The following FAT1 variants were observed in gnomAD, a reference collection of about 807,000 sequenced individuals.
The protein encoded by FAT1 is protocadherin Fat 1.
Under a neutral mutation model 329.8 loss-of-function variants are expected in FAT1, and 171 were observed. The ratio of observed to expected loss-of-function variants is 0.52; its 90% CI spans 0.46 to 0.59. The LOEUF is 0.59. FAT1 is among the 20% of genes least tolerant of loss of function. FAT1 has a pLI of 0.00. For missense variants in FAT1, 5,672 were observed against 5,774.4 expected, an observed-to-expected ratio of 0.98 and a Z score of 0.57; for synonymous variants, 2,233 against 2,228.6, an observed-to-expected ratio of 1.00 and a Z score of -0.06.
At chr4:186,719,096 A>G (rs2126720942) in intron 1 of FAT1, among the ~76,000 whole-genome samples, 1 of 152,282 alleles carries the variant, frequency 6.6e-6, no homozygotes, top group Middle Eastern at 3.4e-3. Flanking sequence ...ACACTGACTC[A>G]CCTACAACTC....
At chr4:186,602,814 AT>A in intron 20 of FAT1, 88 bp downstream of exon 20, 1 of 1,375,810 alleles carries the variant, frequency 7.3e-7, no homozygotes, top group Non-Finnish European at 9.9e-7. Context: ...ACTTTGCAAT[AT>A]TTTTAGACTC....
At chr4:186,678,329 C>T (rs1340568580) in intron 2 of FAT1, among the ~76,000 whole-genome samples, 3 of 151,446 alleles carry the variant, frequency 2.0e-5, no homozygotes, top group African/African-American at 4.8e-5. Context: ...AATAGCTAGG[C>T]GCAGTGGCTC....
upstream of FAT1, chr4:186,726,639 G>A (rs1249024479): frequency 6.6e-6 from 1 of 152,314 alleles, no homozygotes; most frequent in African/African-American, 2.4e-5. Context: ...GTCAGGACGT[G>A]CCCAGGCAGC....
Position 186,588,906 on chromosome 4 carries a change from T to C in FAT1, c.13453A>G (p.Asn4485Asp). 1 of 1,613,972 alleles carries C rather than the reference T, an allele frequency of 6.2e-7. No individual in the cohort carries two copies. Among genetic ancestry groups the C allele is most frequent in the Non-Finnish European group, 8.5e-7 (1 of 1,179,880 alleles). The change falls in exon 27 of 27, where the codon AAC (asparagine) becomes GAC (aspartate). Residue 4485 changes from asparagine to aspartate, a missense_variant. Physicochemically the swap from Asn to Asp is conservative, Grantham distance 23 (BLOSUM62 1). Coordinates refer to ENST00000441802, the MANE Select transcript of FAT1 (RefSeq NM_005245.4). ...AAATTGGGCAAATACTGATTCAAGT[T>C]GAACCTCTGCCGGTTTCTTGATGAA... ...GSSSRNRQRF[N>D]LNQYLPNFYP...
chr4:186,708,740 C>G lies in FAT1; in HGVS notation c.1088G>C (p.Gly363Ala), dbSNP rs985847217. 4 of 1,613,932 alleles carry G rather than the reference C, an allele frequency of 2.5e-6. No homozygotes were observed. Among genetic ancestry groups the G allele is most frequent in the Non-Finnish European group, 3.4e-6 (4 of 1,179,876 alleles). Residue 363 changes from glycine to alanine, a missense_variant, in exon 2 of 27, where the codon GGG becomes GCG. Physicochemically the swap from Gly to Ala is moderately conservative, Grantham distance 60 (BLOSUM62 0). This residue lies in a region of FAT1 where 3,966 missense variants were observed against 3,915.2 expected (regional missense o/e 1.01). Transcript: ENST00000441802. ...AACATCCTTTTCAAACTTGACTGGC[C>G]CGGCTTTGAACTGTGGAGAAGTCAC... is the stretch of plus-strand genomic sequence containing the variant. ...IHVTSPQFKAGPVKFEKDVYR... is the reference protein window; with the variant it reads ...IHVTSPQFKAAPVKFEKDVYR...
In FAT1 at chr4:186,660,364, T is replaced by C. The variant is rs116540870; in HGVS notation, c.3580+2935A>G. Among the ~76,000 whole-genome samples the C allele has an allele frequency of 1.6e-3, 249 of 152,346 alleles. 3 individuals carry two copies. The highest frequency in any genetic ancestry group is 5.7e-3 in the African/African-American group (235 of 41,584). On this transcript the variant is annotated intron_variant, in intron 3 of 26. Coordinates refer to ENST00000441802, the MANE Select transcript of FAT1 (RefSeq NM_005245.4). Reference sequence around the variant, plus strand: ...TCTAGAAACAGATCTAATGAAGCTATATTTACTATATTATTTAATAATTCC... The same window carrying C: ...TCTAGAAACAGATCTAATGAAGCTACATTTACTATATTATTTAATAATTCC...
At chr4:186,700,741 T>C (rs1234984050) in intron 2 of FAT1, among the ~76,000 whole-genome samples, 1 of 152,162 alleles carries the variant, frequency 6.6e-6, no homozygotes, top group Non-Finnish European at 1.5e-5. Context: ...CTCATTGACG[T>C]TTCATCCTGT....
At chr4:186,652,850 A>G (rs1741729489) in intron 3 of FAT1, among the ~76,000 whole-genome samples, 1 of 152,238 alleles carries the variant, frequency 6.6e-6, no homozygotes, top group South Asian at 2.1e-4. Flanking sequence ...CTAACACATG[A>G]TGAGCACCCA....
At chr4:186,607,736 T>A (rs1739219550) in intron 16 of FAT1, among the ~76,000 whole-genome samples, 2 of 151,302 alleles carry the variant, frequency 1.3e-5, no homozygotes, top group Non-Finnish European at 2.9e-5. Flanking sequence ...AGTGGGGAGA[T>A]GCATGGGTGG....
chr4:186,714,700 T>A (rs1046347121), intron 1 of FAT1, among the ~76,000 whole-genome samples: 1 of 151,952 alleles, frequency 6.6e-6, no homozygotes, highest in Non-Finnish European at 1.5e-5. Context: ...CACAGCATAG[T>A]GGTGTGATAA....
intron 2 of FAT1, 145 bp from the exon 3 acceptor site, chr4:186,663,758 G>C: frequency 1.6e-6 from 1 of 616,248 alleles, no homozygotes; most frequent in Non-Finnish European, 2.8e-6. Flanking sequence ...CAGCCTTTCT[G>C]TGACTCAGCT....
intron 1 of FAT1, among the ~76,000 whole-genome samples, chr4:186,713,992 CT>C (rs958472102): frequency 4.0e-5 from 6 of 151,894 alleles, no homozygotes; most frequent in South Asian, 2.1e-4. Context: ...CAACCTGAAT[CT>C]TTTTTTTTCT....
chr4:186,708,639 G>A lies in FAT1; in HGVS notation c.1189C>T (p.His397Tyr), dbSNP rs2126697924. ...GTACTTTTAAAAACATACCTCAAATGGGAATAAGCAGGAATGGCCTTTACC... is the reference window on the plus strand; with the variant it reads ...GTACTTTTAAAAACATACCTCAAATAGGAATAAGCAGGAATGGCCTTTACC... Reference protein sequence around the residue: ...VMVKAIPAYSHLRYVFKSTPG... With the variant: ...VMVKAIPAYSYLRYVFKSTPG... Residue 397 changes from histidine to tyrosine, a missense_variant, in exon 2 of 27, where the codon CAT (histidine) becomes TAT (tyrosine). His to Tyr is a moderately conservative substitution (Grantham distance 83, BLOSUM62 2). Coordinates refer to ENST00000441802, the MANE Select transcript of FAT1 (RefSeq NM_005245.4). 4 of 1,613,896 alleles carry A rather than the reference G, an allele frequency of 2.5e-6. No individual in the cohort carries two copies. Among genetic ancestry groups the A allele is most frequent in the Non-Finnish European group, 3.4e-6 (4 of 1,179,882 alleles).
At chr4:186,701,192 G>A (rs914215357) in intron 2 of FAT1, among the ~76,000 whole-genome samples, 8 of 152,170 alleles carry the variant, frequency 5.3e-5, no homozygotes, top group Non-Finnish European at 8.8e-5. Context: ...TTAGGATTTC[G>A]ACTAGATCCT....
chr4:186,649,776 A>C (rs1741548144), intron 3 of FAT1, among the ~76,000 whole-genome samples: 1 of 152,226 alleles, frequency 6.6e-6, no homozygotes, highest in South Asian at 2.1e-4. Flanking sequence ...AAGTAGCCTT[A>C]GGGAAATAAA....
Position 186,619,405 on chromosome 4 carries a change from A to G in FAT1, c.7181T>C (p.Ile2394Thr). Residue 2394 changes from isoleucine to threonine, a missense_variant, in exon 10 of 27, where the codon ATT becomes ACT. Physicochemically the swap from Ile to Thr is moderately conservative, Grantham distance 89 (BLOSUM62 -1). Coordinates refer to ENST00000441802, the MANE Select transcript of FAT1 (RefSeq NM_005245.4). ...GTGCTCGCTAATTCTGGCTTCATAA[A>G]TCTGTTGTTCAAAGAGTGGTGGATT... The part of the protein sequence containing the change: ...NDNPPLFEQQ[I>T]YEARISEHAP... The G allele has an allele frequency of 6.2e-7, 1 of 1,614,010 alleles. No homozygotes were observed. Among genetic ancestry groups the G allele is most frequent in the Non-Finnish European group, 8.5e-7 (1 of 1,179,892 alleles).
chr4:186,663,523 A>T lies in FAT1; in HGVS notation c.3356T>A (p.Leu1119His). 1 of 1,613,078 alleles carries T rather than the reference A, an allele frequency of 6.2e-7. No homozygotes were observed. The part of the protein sequence containing the change: ...VFATDQGVVP[L>H]SSFIEIYIEV... ...TATGTAGATCTCTATGAACGATGAA[A>T]GAGGCACGACACCCTGATCGGTTGC... The change falls in exon 3 of 27, where the codon CTT becomes CAT. Residue 1119 changes from leucine (L) to histidine (H), a missense_variant. Transcript: ENST00000441802.
chr4:186,708,797 G>A lies in FAT1; in HGVS notation c.1031C>T (p.Pro344Leu), dbSNP rs749127676. Residue 344 changes from proline to leucine, a missense_variant, in exon 2 of 27, where the codon CCG becomes CTG. Transcript: ENST00000441802. ...LTLQAKDKGT[P>L]PQFSSVKVIH... ...GACTTTAACAGAAGAGAACTGGGGCGGAGTTCCTTTATCTTTAGCCTGTAG... is the reference window on the plus strand; with the variant it reads ...GACTTTAACAGAAGAGAACTGGGGCAGAGTTCCTTTATCTTTAGCCTGTAG... The A allele has an allele frequency of 1.1e-5, 17 of 1,613,816 alleles. No homozygotes were observed. Among genetic ancestry groups the A allele is most frequent in the East Asian group, 2.2e-5 (1 of 44,892 alleles).
chr4:186,633,670 A>C lies in FAT1; in HGVS notation c.4323+14T>G. On this transcript the variant is annotated intron_variant, in intron 7 of 26. Coordinates refer to ENST00000441802, the MANE Select transcript of FAT1 (RefSeq NM_005245.4). The stretch of plus-strand genomic sequence containing the variant: ...ATCCTCCTCTGACAAGTGTGTCATT[A>C]GTAATTCACTTACCTGAGTGAGGAT... 6.2e-7 allele frequency: 1 copy of C among 1,613,734 alleles called. No individual in the cohort carries two copies. Among genetic ancestry groups the C allele is most frequent in the Non-Finnish European group, 8.5e-7 (1 of 1,179,724 alleles).
Sources: allele counts gnomAD v4.1 joint callset (sites outside exome capture counted in the v4.1 genomes callset), GRCh38; gene constraint gnomAD v4.1.1; regional missense constraint gnomAD v4.1.1; transcripts MANE v1.5; gene names NCBI Gene and HGNC (gene_info 2026-07-23, HGNC 2026-07-21).